Variants in NRG3 observed in about 807,000 individuals in gnomAD.
NRG3 encodes the protein neuregulin 3.
Under a neutral mutation model 66.9 loss-of-function variants are expected in NRG3, and 31 were observed. The observed-to-expected ratio is 0.46, with a 90% CI of 0.35 to 0.63. The LOEUF is 0.63. NRG3 is among the 20% of genes least tolerant of loss of function. The pLI is 0.00. For missense variants in NRG3, 910 were observed against 878.9 expected (o/e 1.04, Z -0.45); for synonymous variants, 393 against 359.4 (o/e 1.09, Z -1.06).
At position 82,979,100 on chromosome 10, in the gene NRG3, G is replaced by A. The variant is rs1399816826; in HGVS notation, c.1563G>A (p.Gln521=). 6.2e-7 allele frequency: 1 copy of A among 1,614,030 alleles called. No individual in the cohort carries two copies. The highest frequency in any genetic ancestry group is 1.1e-5 in the South Asian group (1 of 91,080). The change falls in exon 8 of 9, where the codon CAG becomes CAA. Residue 521 remains glutamine (Q), a synonymous_variant. Coordinates refer to ENST00000372141, the MANE Select transcript of NRG3 (RefSeq NM_001010848.4). ...QQLEESRIPD[Q]DTIPCQGYSS... ...TCGAAGAATCAAGGATCCCAGACCA[G>A]GATACGATACCTTGCCAAGGGTAGG... is the stretch of plus-strand genomic sequence containing the variant.
chr10:82,965,476 G>A (rs1189032180), intron 6 of NRG3, among the ~76,000 whole-genome samples: 2 of 152,126 alleles, frequency 1.3e-5, no homozygotes. Flanking sequence ...TGGTTCACAC[G>A]TATGATCCCA....
At chr10:82,428,615 T>C (rs1480708911) in intron 2 of NRG3, among the ~76,000 whole-genome samples, 1 of 152,054 alleles carries the variant, frequency 6.6e-6, no homozygotes, top group Non-Finnish European at 1.5e-5. Context: ...CATAAATGTT[T>C]GATTTATGTC....
intron 1 of NRG3, among the ~76,000 whole-genome samples, chr10:82,250,844 G>A (rs191034205): frequency 2.0e-4 from 31 of 152,218 alleles, no homozygotes; most frequent in Admixed American, 1.8e-3. Flanking sequence ...TATATTTACC[G>A]GATGCTGTAT....
chr10:82,864,534 G>GA (rs557362921), intron 3 of NRG3, among the ~76,000 whole-genome samples: 16 of 151,938 alleles, frequency 1.1e-4, no homozygotes, highest in African/African-American at 1.9e-4. Context: ...TATGGCAACA[G>GA]AAAAAAATGT....
At chr10:81,937,937 C>A (rs1161087388) in intron 1 of NRG3, among the ~76,000 whole-genome samples, 1 of 152,052 alleles carries the variant, frequency 6.6e-6, no homozygotes, top group Non-Finnish European at 1.5e-5. Context: ...AGGCTAGAGT[C>A]CAACTTTGTT....
At chr10:82,674,542 G>C (rs936307831) in intron 2 of NRG3, among the ~76,000 whole-genome samples, 1 of 152,060 alleles carries the variant, frequency 6.6e-6, no homozygotes, top group African/African-American at 2.4e-5. Flanking sequence ...CTTTTAATAA[G>C]TAATTGAATA....
At chr10:81,919,289 G>T (rs900728923) in intron 1 of NRG3, among the ~76,000 whole-genome samples, 7 of 152,148 alleles carry the variant, frequency 4.6e-5, no homozygotes, top group Admixed American at 4.6e-4. Flanking sequence ...TATAAGTGTG[G>T]CAGCGCTGAA....
chr10:82,734,381 CA>C (rs1457798657), intron 2 of NRG3, among the ~76,000 whole-genome samples: 1 of 152,092 alleles, frequency 6.6e-6, no homozygotes, highest in Non-Finnish European at 1.5e-5. Context: ...CCTACACAAC[CA>C]AGTGATTGGA....
intron 1 of NRG3, among the ~76,000 whole-genome samples, chr10:81,877,379 A>C (rs894867879): frequency 6.6e-6 from 1 of 152,148 alleles, no homozygotes; most frequent in African/African-American, 2.4e-5. Context: ...CTATTTTGCA[A>C]AAAACTGTCT....
Position 82,325,217 on chromosome 10 carries a change from C to T in NRG3, c.824-33522C>T, listed in dbSNP as rs950069579. On this transcript the variant is annotated intron_variant, in intron 1 of 8. Coordinates refer to ENST00000372141, the MANE Select transcript of NRG3 (RefSeq NM_001010848.4). ...TTTTTTTGGAGACAGGTTTTCACAC[C>T]GTTGCCCAGGCTGGAGTGCAGTGGT... 2.0e-5 allele frequency among the ~76,000 whole-genome samples: 3 copies of T among 151,680 alleles called. No individual in the cohort carries two copies. In the East Asian group the frequency reaches 5.8e-4, roughly 29 times the overall value.
intron 2 of NRG3, among the ~76,000 whole-genome samples, chr10:82,699,576 GC>G (rs1391003941): frequency 6.6e-6 from 1 of 151,694 alleles, no homozygotes; most frequent in East Asian, 1.9e-4. Flanking sequence ...TTGAAAATGT[GC>G]CCTTTATCTA....
At chr10:82,563,512 G>A (rs1192018623) in intron 2 of NRG3, among the ~76,000 whole-genome samples, 6 of 151,854 alleles carry the variant, frequency 4.0e-5, no homozygotes, top group Non-Finnish European at 5.9e-5. Context: ...TTTATACCCA[G>A]AAAACTTAGT....
rs561510517 is a variant in NRG3 at position 82,034,390 on chromosome 10, G to A, written c.823+158227G>A. Among the ~76,000 whole-genome samples, 10 of 152,206 alleles carry A rather than the reference G, an allele frequency of 6.6e-5. No individual in the cohort carries two copies. The East Asian group carries it at 1.9e-3, about 29-fold the overall frequency. ...GGAGGTGTCTTGGAAACCGCAAGAT[G>A]CATCCTGCAAAAAGGTAGAGGGTGG... On this transcript the variant is annotated intron_variant, in intron 1 of 8. Coordinates refer to ENST00000372141, the MANE Select transcript of NRG3 (RefSeq NM_001010848.4).
Position 82,846,184 on chromosome 10 carries a change from A to G in NRG3, c.1028-19227A>G, listed in dbSNP as rs561070073. On this transcript the variant is annotated intron_variant, in intron 3 of 8. Coordinates refer to ENST00000372141, the MANE Select transcript of NRG3 (RefSeq NM_001010848.4). ...TGCAGCAGATACCACTATACTCTGA[A>G]TGAATACTCTGTATCAAGCAGAACA... is the stretch of plus-strand genomic sequence containing the variant. 8.5e-5 allele frequency among the ~76,000 whole-genome samples: 13 copies of G among 152,222 alleles called. No homozygotes were observed. The East Asian group carries it at 1.7e-3, about 20-fold the overall frequency.
At chr10:82,749,551 A>G (rs1008107598) in intron 3 of NRG3, among the ~76,000 whole-genome samples, 1 of 152,092 alleles carries the variant, frequency 6.6e-6, no homozygotes, top group African/African-American at 2.4e-5. Context: ...GTTTAATTTT[A>G]TATACAAGTT....
intron 1 of NRG3, among the ~76,000 whole-genome samples, chr10:82,198,480 A>G (rs1338704303): frequency 1.3e-5 from 2 of 152,184 alleles, no homozygotes; most frequent in African/African-American, 4.8e-5. Context: ...TGAGTGGGAT[A>G]TATTTCCAGT....
At chr10:82,741,529 C>A (rs117063358) in intron 3 of NRG3, among the ~76,000 whole-genome samples, 2,090 of 152,192 alleles carry the variant, frequency 0.014, 25 homozygotes, top group Non-Finnish European at 0.021. Flanking sequence ...GTTACTAATA[C>A]GCGTTTAAAT....
chr10:82,343,857 GC>G (rs1269453254), intron 1 of NRG3, among the ~76,000 whole-genome samples: 1 of 151,940 alleles, frequency 6.6e-6, no homozygotes, highest in Non-Finnish European at 1.5e-5. Context: ...TTAACATTTA[GC>G]CCCAGAGGGA....
intron 2 of NRG3, among the ~76,000 whole-genome samples, chr10:82,418,486 G>A (rs1237246913): frequency 6.7e-6 from 1 of 149,746 alleles, no homozygotes; most frequent in Non-Finnish European, 1.5e-5. Context: ...GGTATAAGAT[G>A]CTATGTTTGC....
Sources: allele counts gnomAD v4.1 joint callset (sites outside exome capture counted in the v4.1 genomes callset), GRCh38; gene constraint gnomAD v4.1.1; transcripts MANE v1.5; gene names NCBI Gene and HGNC (gene_info 2026-07-23, HGNC 2026-07-21).